COL11A1: variants seen among roughly 807,000 people sequenced by gnomAD.
COL11A1 encodes collagen alpha-1(XI) chain.
In COL11A1, 74 loss-of-function variants were observed where a neutral mutation model predicts 265.2. The observed-to-expected ratio is 0.28, with a 90% CI of 0.23 to 0.34. The LOEUF (loss-of-function observed/expected upper bound fraction) is 0.34, where lower values mean the gene tolerates loss of function less well. Among genes scored for constraint, COL11A1 ranks in the 10% least tolerant of loss-of-function variants. COL11A1 has a pLI of 1.00. For synonymous variants in COL11A1, 816 were observed against 727.6 expected (o/e 1.12, Z -1.96); for missense variants, 2,165 against 2,263.6 (o/e 0.96, Z 0.88).
In COL11A1 at chr1:103,026,300, A is replaced by G. The variant is rs1667511960; in HGVS notation, c.813T>C (p.Tyr271=). 4 of 1,613,530 alleles carry G rather than the reference A, an allele frequency of 2.5e-6. No homozygotes were observed. Among genetic ancestry groups the G allele is most frequent in the African/African-American group, 1.3e-5 (1 of 75,014 alleles). ...CTTTATACTCTGCTTCCCCATACTC[A>G]TAGTCATATTCGATTATATCCTCTG... ...YAPEDIIEYD[Y]EYGEAEYKEA... The change falls in exon 6 of 67, where the codon TAT becomes TAC. Residue 271 remains tyrosine, a synonymous_variant. Coordinates refer to ENST00000370096, the MANE Select transcript of COL11A1 (RefSeq NM_001854.4).
At chr1:102,879,959 T>G in intron 65 of COL11A1, 43 bp from the exon 66 acceptor site, 1 of 1,265,044 alleles carries the variant, frequency 7.9e-7, no homozygotes, top group Non-Finnish European at 1.2e-6. Context: ...ACTCTTTTCC[T>G]CTTTTATGCT....
chr1:103,022,304 A>AT (rs1667160032), intron 8 of COL11A1, among the ~76,000 whole-genome samples: 1 of 152,192 alleles, frequency 6.6e-6, no homozygotes, highest in African/African-American at 2.4e-5. Flanking sequence ...ACTGAATCTT[A>AT]AAATGAGATT....
intron 30 of COL11A1, 111 bp downstream of exon 30, chr1:102,987,522 A>G: frequency 1.2e-6 from 1 of 820,070 alleles, no homozygotes; most frequent in Non-Finnish European, 2.1e-6. Context: ...GAAACATTTT[A>G]TCTTTAATGT....
At chr1:102,921,594 T>C in intron 47 of COL11A1, 23 bp from the exon 48 acceptor site, 4 of 1,594,184 alleles carry the variant, frequency 2.5e-6, no homozygotes, top group Non-Finnish European at 3.4e-6. Context: ...AATATTGAGG[T>C]TTACAAAGAC....
chr1:102,934,648 G>A, intron 45 of COL11A1, 92 bp from the exon 46 acceptor site: 1 of 982,506 alleles, frequency 1.0e-6, no homozygotes, highest in South Asian at 1.3e-5. Context: ...TTTAATCAAA[G>A]CAGATGTATT....
intron 46 of COL11A1, among the ~76,000 whole-genome samples, chr1:102,927,657 A>G (rs923086249): frequency 1.3e-5 from 2 of 152,128 alleles, no homozygotes; most frequent in African/African-American, 2.4e-5. Flanking sequence ...AAACAAAAAA[A>G]AAACCAAAAA....
Position 103,031,241 on chromosome 1 carries a change from C to T in COL11A1, c.655G>A (p.Asp219Asn). 6.7e-7 allele frequency: 1 copy of T among 1,503,720 alleles called. No homozygotes were observed. Among genetic ancestry groups the T allele is most frequent in the Non-Finnish European group, 8.9e-7 (1 of 1,129,702 alleles). The allele number at this position is 1,503,720 out of a possible 1,614,324, so 93.1% of individuals were successfully genotyped here. ...CCTGTGATCAAAAACTGCTGAATGT[C>T]CCCCTGGGAAAAAAAAAAAAACAAA... The part of the protein sequence containing the change: ...RILDEEVFEG[D>N]IQQFLITGDP... The change falls in exon 5 of 67, where the codon GAC becomes AAC. Residue 219 changes from aspartate (D) to asparagine (N), a missense_variant. By Grantham distance (23) the Asp-to-Asn change is conservative. Transcript: ENST00000370096.
At chr1:103,102,524 A>G (rs1391635956) in intron 1 of COL11A1, among the ~76,000 whole-genome samples, 6 of 152,064 alleles carry the variant, frequency 3.9e-5, no homozygotes, top group Admixed American at 3.9e-4. Context: ...AGGGAAGTGA[A>G]GGAGTAAAAG....
intron 36 of COL11A1, among the ~76,000 whole-genome samples, chr1:102,974,197 C>T (rs76163572): frequency 7.8e-6 from 1 of 127,888 alleles, no homozygotes; most frequent in South Asian, 2.6e-4. Context: ...CAAACAAAAA[C>T]AAAAAAGACC....
chr1:103,057,141 G>A (rs1258514938), intron 4 of COL11A1, among the ~76,000 whole-genome samples: 1 of 152,142 alleles, frequency 6.6e-6, no homozygotes, highest in African/African-American at 2.4e-5. Context: ...CAAAACTGGA[G>A]TATTTTCAAA....
At chr1:102,916,098 A>G (rs1368105529) in intron 49 of COL11A1, among the ~76,000 whole-genome samples, 2 of 152,188 alleles carry the variant, frequency 1.3e-5, no homozygotes, top group African/African-American at 2.4e-5. Context: ...AACTACAACA[A>G]ATCAACAGAT....
At chr1:102,890,092 A>G (rs1048719822) in intron 58 of COL11A1, among the ~76,000 whole-genome samples, 1 of 152,180 alleles carries the variant, frequency 6.6e-6, no homozygotes, top group African/African-American at 2.4e-5. Flanking sequence ...TTAGTATTTG[A>G]AAGATATTTC....
chr1:103,021,932 C>A (rs1479282627), intron 8 of COL11A1, among the ~76,000 whole-genome samples, 163 bp from the exon 9 acceptor site: 2 of 151,316 alleles, frequency 1.3e-5, no homozygotes, highest in Non-Finnish European at 2.9e-5. Flanking sequence ...ACTGCAAGCT[C>A]GCCTGCCGGG....
intron 1 of COL11A1, among the ~76,000 whole-genome samples, chr1:103,093,326 G>A (rs1010982055): frequency 1.9e-4 from 29 of 152,028 alleles, no homozygotes; most frequent in African/African-American, 5.6e-4. Context: ...AGCACCTTTC[G>A]TTGATGAACA....
chr1:103,050,571 T>C (rs902246054), intron 4 of COL11A1, among the ~76,000 whole-genome samples: 2 of 152,132 alleles, frequency 1.3e-5, no homozygotes, highest in Admixed American at 1.3e-4. Context: ...TCGGAGTAGT[T>C]TGATCGTCTG....
rs550815917 is a variant in COL11A1 at position 103,039,551 on chromosome 1, A to G, written c.652-8307T>C. Among the ~76,000 whole-genome samples, 12 of 148,706 alleles carry G rather than the reference A, an allele frequency of 8.1e-5. No homozygotes were observed. The South Asian group carries it at 2.8e-3, about 35-fold the overall frequency. ...CAGAGGAAAGACCATGTAAAGACAC[A>G]GGGAGAAGACAACCATTTCCAAGCC... On this transcript the variant is annotated intron_variant, in intron 4 of 66. Coordinates refer to ENST00000370096, the MANE Select transcript of COL11A1 (RefSeq NM_001854.4).
intron 42 of COL11A1, among the ~76,000 whole-genome samples, chr1:102,943,626 A>G (rs1318851864): frequency 6.6e-6 from 1 of 152,118 alleles, no homozygotes; most frequent in Non-Finnish European, 1.5e-5. Flanking sequence ...TATGCTTTTA[A>G]ACATCACTCT....
intron 38 of COL11A1, among the ~76,000 whole-genome samples, chr1:102,964,650 G>A (rs1288579931): frequency 1.3e-5 from 2 of 151,812 alleles, no homozygotes; most frequent in Non-Finnish European, 2.9e-5. Context: ...GTGTGCGCAT[G>A]TGTGTGTGTA....
chr1:103,071,058 A>G (rs1440122930), intron 4 of COL11A1, among the ~76,000 whole-genome samples: 1 of 152,004 alleles, frequency 6.6e-6, no homozygotes, highest in Non-Finnish European at 1.5e-5. Flanking sequence ...ATTTCTCCAC[A>G]GAAAATTGAA....
Sources: gnomAD v4.1 joint callset for allele counts (sites outside exome capture counted in the v4.1 genomes callset) on GRCh38, gnomAD v4.1.1 for gene constraint, MANE v1.5 for transcripts, NCBI Gene and HGNC (gene_info 2026-07-23, HGNC 2026-07-21) for gene names.